The following CHST9 variants were observed in gnomAD, a reference collection of about 807,000 sequenced individuals.
CHST9 encodes GalNAc-4-sulfotransferase 2.
A neutral mutation model predicts 44.4 loss-of-function variants in CHST9; 41 were observed. The observed-to-expected ratio is 0.92, with a 90% CI of 0.72 to 1.20. CHST9 has a LOEUF of 1.20. CHST9 is among the 50% of genes most tolerant of loss of function. The pLI is 0.00. For synonymous variants in CHST9, 171 were observed against 178.4 expected, an observed-to-expected ratio of 0.96 and a Z score of 0.33; for missense variants, 504 against 516.5, an observed-to-expected ratio of 0.98 and a Z score of 0.23.
Position 27,135,909 on chromosome 18 carries a change from T to C in CHST9, c.121+6780A>G, listed in dbSNP as rs529325566. On this transcript the variant is annotated intron_variant, in intron 2 of 5. Transcript: ENST00000618847. ...TGAGGGTCTGCAATTCTAACAAGTC[T>C]CACGTGACGCTGTTGCTTCTGCTGC... Among the ~76,000 whole-genome samples, 5 of 152,330 alleles carry C rather than the reference T, an allele frequency of 3.3e-5. No homozygotes were observed. In the South Asian group the frequency reaches 1.0e-3, roughly 32 times the overall value.
intron 2 of CHST9, among the ~76,000 whole-genome samples, chr18:27,111,524 G>C (rs1049508715): frequency 6.6e-6 from 1 of 152,130 alleles, no homozygotes; most frequent in African/African-American, 2.4e-5. Context: ...AAAGTATTTT[G>C]AGTAGCAAGA....
At chr18:26,943,463 A>AT (rs1474614412) in intron 5 of CHST9, among the ~76,000 whole-genome samples, 1 of 152,216 alleles carries the variant, frequency 6.6e-6, no homozygotes, top group African/African-American at 2.4e-5. Context: ...TTTGACTGGT[A>AT]TAAGTGTAGA....
chr18:27,073,154 T>G (rs533837462), intron 2 of CHST9, among the ~76,000 whole-genome samples: 42 of 152,258 alleles, frequency 2.8e-4, no homozygotes, highest in Admixed American at 2.6e-3. Flanking sequence ...TTCACACTGG[T>G]CTGCCTCACA....
intron 4 of CHST9, among the ~76,000 whole-genome samples, chr18:27,019,388 GT>G (rs1400894767): frequency 1.3e-5 from 2 of 152,040 alleles, no homozygotes; most frequent in African/African-American, 2.4e-5. Context: ...CCTTTTGCTG[GT>G]ACATAAACCC....
rs2055687487 is a variant in CHST9, at chr18:26,922,871, G to T, written c.241-5521C>A. On this transcript the variant is annotated intron_variant, in intron 5 of 5. Coordinates refer to ENST00000618847, the MANE Select transcript of CHST9 (RefSeq NM_031422.6). ...GGCTGGTCTCAAGCTCCTGACCTCA[G>T]GTGATCCAGCCGCCTCGGCCTCCCA... Among the ~76,000 whole-genome samples, 4 of 152,090 alleles carry T rather than the reference G, an allele frequency of 2.6e-5. No individual in the cohort carries two copies. The South Asian group carries it at 6.2e-4, about 24-fold the overall frequency.
At chr18:27,148,088 A>C (rs997214788) in intron 1 of CHST9, among the ~76,000 whole-genome samples, 1 of 151,852 alleles carries the variant, frequency 6.6e-6, no homozygotes, top group Non-Finnish European at 1.5e-5. Flanking sequence ...ATCATTGAGC[A>C]CCTACTTATA....
intron 2 of CHST9, among the ~76,000 whole-genome samples, chr18:27,085,271 G>A (rs2058000965): frequency 6.6e-6 from 1 of 152,000 alleles, no homozygotes; most frequent in Non-Finnish European, 1.5e-5. Context: ...CTGACAAGTG[G>A]GACCTAATTA....
intron 4 of CHST9, among the ~76,000 whole-genome samples, chr18:27,018,364 A>T (rs567722659): frequency 1.5e-4 from 23 of 152,236 alleles, no homozygotes; most frequent in Non-Finnish European, 2.6e-4. Flanking sequence ...TTAAGAGAAT[A>T]GCTAAATTAA....
At chr18:27,089,327 C>T (rs925754205) in intron 2 of CHST9, among the ~76,000 whole-genome samples, 2 of 143,118 alleles carry the variant, frequency 1.4e-5, no homozygotes, top group African/African-American at 2.6e-5. Context: ...TGATGTTTCA[C>T]GCCTTGTGTC....
chr18:27,161,549 A>T (rs1458250314), intron 1 of CHST9, among the ~76,000 whole-genome samples: 1 of 152,090 alleles, frequency 6.6e-6, no homozygotes, highest in East Asian at 1.9e-4. Flanking sequence ...TCAATTTTGG[A>T]ATAAGTGTGG....
At position 27,159,966 on chromosome 18, in the gene CHST9, T is replaced by C. The variant is rs372955324; in HGVS notation, c.-96-17061A>G. On this transcript the variant is annotated intron_variant, in intron 1 of 5. Transcript: ENST00000618847. ...ATTTTTGCACATTGATTTTGTATCC[T>C]GAGATTTTGCTGAAGTTGCTTATCA... Among the ~76,000 whole-genome samples, 60 of 152,378 alleles carry C rather than the reference T, an allele frequency of 3.9e-4. No homozygotes were observed. The South Asian group carries it at 0.012, about 31-fold the overall frequency.
intron 2 of CHST9, among the ~76,000 whole-genome samples, chr18:27,075,817 T>C (rs2057898019): frequency 6.6e-6 from 1 of 152,192 alleles, no homozygotes; most frequent in Non-Finnish European, 1.5e-5. Flanking sequence ...AAAAAAAATC[T>C]GCCAGATTTA....
chr18:27,079,149 C>T (rs975349826), intron 2 of CHST9, among the ~76,000 whole-genome samples: 1 of 152,180 alleles, frequency 6.6e-6, no homozygotes, highest in African/African-American at 2.4e-5. Flanking sequence ...ATTTCATCCT[C>T]ATTGTCCACC....
intron 3 of CHST9, among the ~76,000 whole-genome samples, chr18:27,030,325 A>G (rs1480066471): frequency 6.6e-6 from 1 of 152,218 alleles, no homozygotes; most frequent in Non-Finnish European, 1.5e-5. Flanking sequence ...TGTGGTTGAG[A>G]TTGAAAACTT....
At chr18:27,114,301 A>G (rs1193482659) in intron 2 of CHST9, among the ~76,000 whole-genome samples, 1 of 152,262 alleles carries the variant, frequency 6.6e-6, no homozygotes, top group African/African-American at 2.4e-5. Flanking sequence ...TGTACTTTAT[A>G]TAGACGAGAT....
rs554983680 is a variant in CHST9, at chr18:27,011,532, G to T, written c.202+12584C>A. Among the ~76,000 whole-genome samples, 11 of 152,334 alleles carry T rather than the reference G, an allele frequency of 7.2e-5. No homozygotes were observed. In the East Asian group the frequency reaches 2.1e-3, roughly 29 times the overall value. On this transcript the variant is annotated intron_variant, in intron 4 of 5. Transcript: ENST00000618847. ...TCACTTGTTGAGGGGCCAAGTCAGGGTTAGCAGAATGAAGGCTGCTAGAAT... is the reference window on the plus strand; with the variant it reads ...TCACTTGTTGAGGGGCCAAGTCAGGTTTAGCAGAATGAAGGCTGCTAGAAT...
At chr18:26,936,917 G>A (rs143241163) in intron 5 of CHST9, among the ~76,000 whole-genome samples, 33 of 152,112 alleles carry the variant, frequency 2.2e-4, no homozygotes, top group African/African-American at 7.7e-4. Context: ...TTTTCAGTAC[G>A]GAGTTTCAGT....
At chr18:27,090,899 T>G (rs1362566082) in intron 2 of CHST9, among the ~76,000 whole-genome samples, 1 of 152,224 alleles carries the variant, frequency 6.6e-6, no homozygotes, top group Non-Finnish European at 1.5e-5. Context: ...AGCTTTGTTC[T>G]TTTTGCTTAG....
chr18:27,084,680 T>C (rs912667605), intron 2 of CHST9, among the ~76,000 whole-genome samples: 3 of 152,062 alleles, frequency 2.0e-5, no homozygotes, highest in African/African-American at 7.2e-5. Context: ...TTATTTCTTT[T>C]CTTCTGCTAG....
Sources: gnomAD v4.1 joint callset for allele counts (sites outside exome capture counted in the v4.1 genomes callset) on GRCh38, gnomAD v4.1.1 for gene constraint, MANE v1.5 for transcripts, NCBI Gene and HGNC (gene_info 2026-07-23, HGNC 2026-07-21) for gene names.